The following PRLR variants were observed in gnomAD, a reference collection of about 807,000 sequenced individuals.
PRLR encodes the protein prolactin receptor.
In PRLR, 13 loss-of-function variants were observed where a neutral mutation model predicts 40.2. The observed-to-expected ratio is 0.32, with a 90% CI of 0.21 to 0.51. The LOEUF is 0.51. Among genes scored for constraint, PRLR ranks in the 20% least tolerant of loss-of-function variants. PRLR has a pLI of 0.97. For missense variants in PRLR, 656 were observed against 747.3 expected, an observed-to-expected ratio of 0.88 and a Z score of 1.42; for synonymous variants, 269 against 278.7, an observed-to-expected ratio of 0.97 and a Z score of 0.35.
intron 1 of PRLR, among the ~76,000 whole-genome samples, chr5:35,193,959 C>A (rs1049280818): frequency 2.0e-5 from 3 of 152,190 alleles, no homozygotes; most frequent in Non-Finnish European, 2.9e-5. Flanking sequence ...TGCTTCCCTG[C>A]AGCACGGCTC....
At chr5:35,169,815 C>G (rs1774944543) in intron 1 of PRLR, among the ~76,000 whole-genome samples, 1 of 152,178 alleles carries the variant, frequency 6.6e-6, no homozygotes, top group Admixed American at 6.5e-5. Flanking sequence ...GGAAGTTTCT[C>G]TACTTCTATA....
intron 1 of PRLR, among the ~76,000 whole-genome samples, chr5:35,140,278 CTA>C (rs956833208): frequency 6.6e-6 from 1 of 152,224 alleles, no homozygotes; most frequent in Non-Finnish European, 1.5e-5. Context: ...CTACTGAACT[CTA>C]TTATTCCTGA....
At chr5:35,054,048 A>C (rs959877242), downstream of PRLR, among the ~76,000 whole-genome samples, 1 of 152,256 alleles carries the variant, frequency 6.6e-6, no homozygotes, top group Non-Finnish European at 1.5e-5. Context: ...AAGCAGGAAA[A>C]GGATGAGTTA....
downstream of PRLR, among the ~76,000 whole-genome samples, chr5:35,055,212 T>C (rs949739939): frequency 2.0e-5 from 3 of 152,118 alleles, no homozygotes; most frequent in Non-Finnish European, 4.4e-5. Flanking sequence ...GGTCCTGAGA[T>C]TTGTGGCTTG....
At chr5:35,052,020 A>G (rs764471415), downstream of PRLR, among the ~76,000 whole-genome samples, 1 of 152,208 alleles carries the variant, frequency 6.6e-6, no homozygotes, top group African/African-American at 2.4e-5. Context: ...ATTTAAATCT[A>G]TATACGCCCA....
In PRLR at chr5:35,102,525, C is replaced by A. The variant is rs1488596523; in HGVS notation, c.-43-12862G>T. Among the ~76,000 whole-genome samples the A allele has an allele frequency of 2.8e-5, 4 of 140,538 alleles. No homozygotes were observed. In the South Asian group the frequency reaches 9.4e-4, roughly 33 times the overall value. 92.2% of individuals were successfully genotyped at this position (140,538 alleles called of 152,430 possible). Reference sequence around the variant, plus strand: ...CCTCTCCTCTCCTCTCCTCTCCTCTCCTCTCCTCTCCTCTCCTCTCTTTTC... The same window carrying A: ...CCTCTCCTCTCCTCTCCTCTCCTCTACTCTCCTCTCCTCTCCTCTCTTTTC... On this transcript the variant is annotated intron_variant, in intron 2 of 9. Coordinates refer to ENST00000618457, the MANE Select transcript of PRLR (RefSeq NM_000949.7).
intron 2 of PRLR, among the ~76,000 whole-genome samples, chr5:35,114,724 AG>A (rs1170891393): frequency 8.5e-5 from 13 of 152,192 alleles, no homozygotes; most frequent in Admixed American, 2.0e-4. Flanking sequence ...CTCAGGATTC[AG>A]GATGGGGTCT....
intron 2 of PRLR, among the ~76,000 whole-genome samples, chr5:35,096,088 G>A (rs911107405): frequency 6.6e-6 from 1 of 152,204 alleles, no homozygotes; most frequent in Non-Finnish European, 1.5e-5. Context: ...TTGTCTAAAC[G>A]AGAGCTGACT....
intron 1 of PRLR, among the ~76,000 whole-genome samples, chr5:35,124,344 C>A (rs915710529): frequency 6.6e-6 from 1 of 151,608 alleles, no homozygotes; most frequent in African/African-American, 2.4e-5. Flanking sequence ...ATGGGCCACT[C>A]TGGTAGGAGG....
At chr5:35,066,660 A>C (rs1769385449) in intron 9 of PRLR, among the ~76,000 whole-genome samples, 1 of 141,642 alleles carries the variant, frequency 7.1e-6, no homozygotes. Flanking sequence ...CTCCCCCTTC[A>C]TCACCCTATT....
chr5:35,204,850 A>T lies in PRLR; in HGVS notation c.-106+25418T>A, dbSNP rs73078880. 5.4e-3 allele frequency among the ~76,000 whole-genome samples: 821 copies of T among 152,304 alleles called. 8 individuals carry two copies. Among genetic ancestry groups the T allele is most frequent in the African/African-American group, 0.019 (780 of 41,574 alleles). On this transcript the variant is annotated intron_variant, in intron 1 of 9. Coordinates refer to ENST00000618457, the MANE Select transcript of PRLR (RefSeq NM_000949.7). ...GGGGTCTCAATAAATATTGACTTGAATTCAAGTGATACTCAAAGATGATAA... is the reference window on the plus strand; with the variant it reads ...GGGGTCTCAATAAATATTGACTTGATTTCAAGTGATACTCAAAGATGATAA...
intron 1 of PRLR, among the ~76,000 whole-genome samples, chr5:35,171,196 A>C (rs1033133856): frequency 2.6e-5 from 4 of 152,116 alleles, no homozygotes; most frequent in African/African-American, 9.7e-5. Flanking sequence ...ACACTCCAAG[A>C]TCTCAAATGA....
At chr5:35,207,782 A>G (rs571885157) in intron 1 of PRLR, among the ~76,000 whole-genome samples, 1 of 152,308 alleles carries the variant, frequency 6.6e-6, no homozygotes, top group African/African-American at 2.4e-5. Flanking sequence ...ATATACACAC[A>G]CGTATGCTTT....
intron 1 of PRLR, among the ~76,000 whole-genome samples, chr5:35,205,537 AT>A (rs1337276514): frequency 1.5e-4 from 5 of 32,986 alleles, no homozygotes; most frequent in Non-Finnish European, 3.7e-4. Flanking sequence ...TCCCTTCTAT[AT>A]CTGTATGAAA....
At chr5:35,195,226 A>C (rs1775703987) in intron 1 of PRLR, 1 of 152,240 alleles carries the variant, frequency 6.6e-6, no homozygotes, top group African/African-American at 2.4e-5. Context: ...CTTGTCTCCC[A>C]GTTCACTCCA....
At chr5:35,139,232 T>C (rs1185471431) in intron 1 of PRLR, among the ~76,000 whole-genome samples, 1 of 152,138 alleles carries the variant, frequency 6.6e-6, no homozygotes, top group East Asian at 1.9e-4. Context: ...CCTCCTGGGT[T>C]CAAGTGATTC....
intron 1 of PRLR, among the ~76,000 whole-genome samples, chr5:35,165,918 C>T (rs1774810260): frequency 2.0e-5 from 3 of 152,154 alleles, no homozygotes; most frequent in Admixed American, 2.0e-4. Flanking sequence ...AAGGGTTAGT[C>T]TCCATGGACA....
chr5:35,186,067 C>T (rs1410214001), intron 1 of PRLR, among the ~76,000 whole-genome samples: 2 of 152,092 alleles, frequency 1.3e-5, no homozygotes, highest in Admixed American at 1.3e-4. Flanking sequence ...ACGGGATGTA[C>T]CACATAGACC....
At chr5:35,125,823 G>C (rs1303449679) in intron 1 of PRLR, among the ~76,000 whole-genome samples, 2 of 152,212 alleles carry the variant, frequency 1.3e-5, no homozygotes, top group Non-Finnish European at 2.9e-5. Flanking sequence ...GAAGACTGTT[G>C]AGAGGGGAAT....
Sources: gnomAD v4.1 joint callset for allele counts (sites outside exome capture counted in the v4.1 genomes callset) on GRCh38, gnomAD v4.1.1 for gene constraint, MANE v1.5 for transcripts, NCBI Gene and HGNC (gene_info 2026-07-23, HGNC 2026-07-21) for gene names.